The following HEATR3 variants were observed in gnomAD, a reference collection of about 807,000 sequenced individuals.
The protein encoded by HEATR3 is HEAT repeat-containing protein 3.
In HEATR3, 56 loss-of-function variants were observed where a neutral mutation model predicts 72.8. That is an observed-to-expected ratio of 0.77 (90% confidence interval 0.62 to 0.96). The LOEUF (loss-of-function observed/expected upper bound fraction) is 0.96, where lower values mean the gene tolerates loss of function less well. Ranked by LOEUF, HEATR3 falls within the 40% of genes least tolerant of loss-of-function variation. The pLI is 0.00. For missense variants in HEATR3, 747 were observed against 831.4 expected, an observed-to-expected ratio of 0.90 and a Z score of 1.25; for synonymous variants, 331 against 318.1, an observed-to-expected ratio of 1.04 and a Z score of -0.43.
chr16:50,075,510 TG>T, intron 5 of HEATR3, 60 bp from the exon 6 acceptor site: 1 of 1,445,304 alleles, frequency 6.9e-7, no homozygotes, highest in Non-Finnish European at 9.7e-7. Flanking sequence ...TGAGTTATAC[TG>T]GTGTAAATTA....
chr16:50,076,564 GTCC>G (rs1407027166), intron 6 of HEATR3, among the ~76,000 whole-genome samples: 5 of 151,994 alleles, frequency 3.3e-5, no homozygotes, highest in Admixed American at 1.3e-4. Flanking sequence ...TTGAGACAGA[GTCC>G]TCCTCTGTTG....
intron 7 of HEATR3, among the ~76,000 whole-genome samples, chr16:50,083,155 A>C (rs1458663120): frequency 6.6e-6 from 1 of 152,202 alleles, no homozygotes; most frequent in African/African-American, 2.4e-5. Flanking sequence ...AAAAAAGACA[A>C]TTGAAAACTG....
intron 14 of HEATR3, among the ~76,000 whole-genome samples, chr16:50,104,294 A>G (rs1238068563): frequency 6.6e-6 from 1 of 152,176 alleles, no homozygotes; most frequent in African/African-American, 2.4e-5. Context: ...TCGAGGCTGC[A>G]GTGACCCATG....
intron 4 of HEATR3, 137 bp downstream of exon 4, chr16:50,070,427 TG>T: frequency 2.6e-6 from 1 of 382,962 alleles, no homozygotes; most frequent in Non-Finnish European, 4.8e-6. Context: ...GGGCCGGACA[TG>T]GTGGCTCATG....
At chr16:50,092,726 G>A (rs2037147284) in intron 11 of HEATR3, among the ~76,000 whole-genome samples, 1 of 144,054 alleles carries the variant, frequency 6.9e-6, no homozygotes, top group Non-Finnish European at 1.5e-5. Context: ...ACAGGCGTGA[G>A]CCACCGCGCC....
intron 3 of HEATR3, 40 bp from the exon 4 acceptor site, chr16:50,070,138 T>C (rs1403144523): frequency 2.0e-6 from 2 of 1,015,692 alleles, no homozygotes; most frequent in Non-Finnish European, 1.5e-6. Context: ...GTTTAATTCT[T>C]CTTAGGAACC....
intron 10 of HEATR3, 131 bp from the exon 11 acceptor site, chr16:50,086,084 C>A: frequency 2.5e-6 from 2 of 804,174 alleles, no homozygotes; most frequent in Non-Finnish European, 3.8e-6. Flanking sequence ...TGATTCTTTG[C>A]TAACTGCCAT....
chr16:50,089,350 T>C (rs192039741), intron 11 of HEATR3, among the ~76,000 whole-genome samples: 3 of 152,028 alleles, frequency 2.0e-5, no homozygotes, highest in East Asian at 3.9e-4. Flanking sequence ...ATTTTGAAAA[T>C]GTATTCACCT....
Position 50,081,368 on chromosome 16 carries a change from C to T in HEATR3, c.1041+2350C>T, listed in dbSNP as rs554257573. On this transcript the variant is annotated intron_variant, in intron 7 of 14. Transcript: ENST00000299192. ...GCTGAGGCACAAGAATCACTTGAAT[C>T]TGGGAGGTGGAGGTTGCAGTGAGTC... is the stretch of plus-strand genomic sequence containing the variant. 7.9e-5 allele frequency among the ~76,000 whole-genome samples: 12 copies of T among 152,310 alleles called. No homozygotes were observed. In the Middle Eastern group the frequency reaches 0.014, roughly 173 times the overall value.
chr16:50,071,962 TTCTC>T (rs2036622284), intron 4 of HEATR3, among the ~76,000 whole-genome samples: 1 of 152,204 alleles, frequency 6.6e-6, no homozygotes, highest in South Asian at 2.1e-4. Context: ...TTATTGTAAT[TTCTC>T]TATTGTAGAC....
intron 7 of HEATR3, among the ~76,000 whole-genome samples, chr16:50,079,263 C>T (rs939497849): frequency 6.6e-6 from 1 of 152,112 alleles, no homozygotes; most frequent in South Asian, 2.1e-4. Flanking sequence ...ATGGGATAGA[C>T]CTATCCTTTT....
chr16:50,102,189 C>A, intron 13 of HEATR3, 70 bp from the exon 14 acceptor site: 1 of 1,309,060 alleles, frequency 7.6e-7, no homozygotes, highest in Non-Finnish European at 1.1e-6. Context: ...TGAGTTATTG[C>A]CACATTCAAA....
intron 11 of HEATR3, among the ~76,000 whole-genome samples, chr16:50,091,961 A>G (rs1020235153): frequency 6.6e-6 from 1 of 152,076 alleles, no homozygotes; most frequent in East Asian, 1.9e-4. Flanking sequence ...AAATCTATAA[A>G]TTCATAATTT....
At chr16:50,080,884 G>A (rs949489413) in intron 7 of HEATR3, among the ~76,000 whole-genome samples, 1 of 152,120 alleles carries the variant, frequency 6.6e-6, no homozygotes, top group Non-Finnish European at 1.5e-5. Context: ...CTGATATACT[G>A]TGTTTGAAGG....
At chr16:50,079,105 A>G (rs1196386699) in intron 7 of HEATR3, 87 bp downstream of exon 7, 23 of 1,344,880 alleles carry the variant, frequency 1.7e-5, no homozygotes, top group Non-Finnish European at 1.9e-5. Context: ...GAAAAATGTT[A>G]TAGCAAAATT....
chr16:50,078,321 TA>T (rs1338800124), intron 6 of HEATR3, among the ~76,000 whole-genome samples: 1 of 152,222 alleles, frequency 6.6e-6, no homozygotes, highest in African/African-American at 2.4e-5. Flanking sequence ...ATCAAAAAAT[TA>T]AGAACCTACT....
chr16:50,082,639 G>T (rs1164223146), intron 7 of HEATR3, among the ~76,000 whole-genome samples: 2 of 150,784 alleles, frequency 1.3e-5, no homozygotes, highest in African/African-American at 4.9e-5. Context: ...GAAGCCACTG[G>T]GGCTGGACAT....
In HEATR3 at chr16:50,105,158, T is replaced by C; in HGVS notation, c.*97T>C. On this transcript the variant is annotated 3_prime_UTR_variant, in exon 15 of 15. Transcript: ENST00000299192. ...ATGTATATGTTTCTGAAAGTCATTT[T>C]TTAATGATTACATTCTGTACATTCT... 1 of 1,321,694 alleles carries C rather than the reference T, an allele frequency of 7.6e-7. No homozygotes were observed. The highest frequency in any genetic ancestry group is 1.1e-6 in the Non-Finnish European group (1 of 945,962). The allele number at this position is 1,321,694 out of a possible 1,614,324, so 81.9% of individuals were successfully genotyped here.
intron 7 of HEATR3, among the ~76,000 whole-genome samples, chr16:50,079,409 T>C (rs551295113): frequency 6.6e-6 from 1 of 152,314 alleles, no homozygotes; most frequent in East Asian, 1.9e-4. Context: ...TCTTGCCTCT[T>C]ATTTTAGTAT....
Sources: gnomAD v4.1 joint callset for allele counts (sites outside exome capture counted in the v4.1 genomes callset) on GRCh38, gnomAD v4.1.1 for gene constraint, MANE v1.5 for transcripts, NCBI Gene and HGNC (gene_info 2026-07-23, HGNC 2026-07-21) for gene names.